Variants in PPP6R1 observed in about 807,000 individuals in gnomAD.
PPP6R1 encodes protein phosphatase 6 regulatory subunit 1.
A neutral mutation model predicts 104.6 loss-of-function variants in PPP6R1; 39 were observed. The ratio of observed to expected loss-of-function variants is 0.37; its 90% CI spans 0.29 to 0.49. The LOEUF is 0.49. Ranked by LOEUF, PPP6R1 falls within the 20% of genes least tolerant of loss-of-function variation. The probability of loss-of-function intolerance (pLI) is 0.98; values close to 1 mark genes in which losing one functional copy is unlikely to be tolerated. For missense variants in PPP6R1, 1,181 were observed against 1,155.8 expected, an observed-to-expected ratio of 1.02 and a Z score of -0.32; for synonymous variants, 549 against 479.0, an observed-to-expected ratio of 1.15 and a Z score of -1.91.
chr19:55,239,240 T>C (rs1054568494), intron 15 of PPP6R1, 165 bp downstream of exon 15: 4 of 651,804 alleles, frequency 6.1e-6, no homozygotes, highest in African/African-American at 1.8e-5. Context: ...CACACGAGGC[T>C]GCAGACACAC....
intron 17 of PPP6R1, among the ~76,000 whole-genome samples, chr19:55,236,054 C>T (rs1568944440): frequency 6.6e-6 from 1 of 151,652 alleles, no homozygotes; most frequent in Admixed American, 6.6e-5. Flanking sequence ...AGGTCTCAAA[C>T]TCCTGAGCTC....
chr19:55,232,046 A>C, intron 18 of PPP6R1, 29 bp downstream of exon 18: 1 of 1,611,654 alleles, frequency 6.2e-7, no homozygotes, highest in Non-Finnish European at 8.5e-7. Context: ...AGCCCTGTGT[A>C]CACCTGACCA....
rs934982032 is a variant in PPP6R1 at position 55,245,821 on chromosome 19, G to A, written c.228-143C>T. 5.6e-6 allele frequency: 4 copies of A among 711,992 alleles called. No individual in the cohort carries two copies. The highest frequency in any genetic ancestry group is 5.3e-5 in the African/African-American group (3 of 56,138). 44.1% of individuals were successfully genotyped at this position (711,992 alleles called of 1,614,324 possible). On this transcript the variant is annotated intron_variant, in intron 2 of 23. Transcript: ENST00000412770. The surrounding 1 kb of genome is among the most constrained non-coding windows in gnomAD (Gnocchi z 6.4). The stretch of plus-strand genomic sequence containing the variant: ...TGTCCAGGAAGGGGAAAGGGCAGAG[G>A]ACAGGGTGACGCAGAAACAAGGGCC...
rs769352694 is a variant in PPP6R1 at position 55,245,277 on chromosome 19, C to T, written c.540G>A (p.Gln180=). ...CGGCCCTGCTCACATTGACAACATC[C>T]TGCCTCAGCTGAGGCCGCTCCACAC... ...LTCVERPQLR[Q]DVVNWLNEEK... The change falls in exon 4 of 24, where the codon CAG becomes CAA. Residue 180 remains glutamine (Q), a synonymous_variant. Transcript: ENST00000412770. This position sits in a 1 kb window ranked among gnomAD's most constrained non-coding sequence, Gnocchi z 6.4. 8.8e-6 allele frequency: 14 copies of T among 1,597,656 alleles called. No homozygotes were observed. The highest frequency in any genetic ancestry group is 3.3e-4 in the Middle Eastern group (2 of 6,034).
intron 21 of PPP6R1, 146 bp from the exon 22 acceptor site, chr19:55,231,030 G>C: frequency 1.4e-6 from 1 of 704,854 alleles, no homozygotes; most frequent in South Asian, 1.7e-5. Context: ...GACGCAGCTG[G>C]CTCAGCGTGG....
Position 55,236,969 on chromosome 19 carries a change from C to A in PPP6R1, c.1753G>T (p.Ala585Ser), listed in dbSNP as rs200656242. 3 of 1,610,614 alleles carry A rather than the reference C, an allele frequency of 1.9e-6. No individual in the cohort carries two copies. The highest frequency in any genetic ancestry group is 2.2e-5 in the East Asian group (1 of 44,878). Residue 585 changes from alanine to serine, a missense_variant and splice_region_variant, in exon 16 of 24, where the codon GCA becomes TCA. Around this residue, in one of 2 missense-constraint regions of PPP6R1, gnomAD observed 1,042 missense variants for 955.6 expected, o/e 1.09. Transcript: ENST00000412770. ...ATGTTGGCTGTCTTGTCAAAAGGTG[C>A]GCTAGGAGAGAAGGCAAGGCATGGT... Reference protein sequence around the residue: ...EFGEQEESVNAPFDKTANITF... With the variant: ...EFGEQEESVNSPFDKTANITF...
chr19:55,231,740 C>T (rs2087349546), intron 19 of PPP6R1, 62 bp downstream of exon 19: 3 of 1,499,852 alleles, frequency 2.0e-6, no homozygotes, highest in Non-Finnish European at 2.7e-6. Flanking sequence ...GACGGGGACC[C>T]CATGGCCACC....
At chr19:55,236,426 G>A in intron 17 of PPP6R1, 1 of 568,758 alleles carries the variant, frequency 1.8e-6, no homozygotes, top group Non-Finnish European at 3.0e-6. Context: ...AAAGTACTGG[G>A]ATTACAGGCA....
At chr19:55,242,036 G>A (rs1286453708) in intron 7 of PPP6R1, 130 bp downstream of exon 7, 1 of 836,976 alleles carries the variant, frequency 1.2e-6, no homozygotes, top group African/African-American at 1.7e-5. Flanking sequence ...TGTGCAGGGA[G>A]CACAGGCAGC....
intron 1 of PPP6R1, among the ~76,000 whole-genome samples, chr19:55,249,500 C>CA (rs1208734372): frequency 2.0e-5 from 3 of 152,046 alleles, no homozygotes; most frequent in Non-Finnish European, 4.4e-5. Flanking sequence ...CTGGGCCTCT[C>CA]AAAGTGTTGG....
Position 55,232,081 on chromosome 19 carries a change from G to A in PPP6R1, c.2119C>T (p.Pro707Ser). The change falls in exon 18 of 24, where the codon CCT becomes TCT. Residue 707 changes from proline (P) to serine (S), a missense_variant. This residue lies in a region of PPP6R1 where 1,042 missense variants were observed against 955.6 expected (regional missense o/e 1.09). Coordinates refer to ENST00000412770, the MANE Select transcript of PPP6R1 (RefSeq NM_014931.4). ...PLSYPSPGPQ[P>S]PGPSWTATFD... ...ACACCGCCCATTCATTCACCTGGAGGCTGAGGGCCAGGGCTGGGGTAGGAC... is the reference window on the plus strand; with the variant it reads ...ACACCGCCCATTCATTCACCTGGAGACTGAGGGCCAGGGCTGGGGTAGGAC... 6.2e-7 allele frequency: 1 copy of A among 1,611,558 alleles called. No individual in the cohort carries two copies. Among genetic ancestry groups the A allele is most frequent in the East Asian group, 2.2e-5 (1 of 44,794 alleles).
At chr19:55,248,889 C>G (rs186726346) in intron 1 of PPP6R1, among the ~76,000 whole-genome samples, 1,726 of 152,332 alleles carry the variant, frequency 0.011, 39 homozygotes, top group African/African-American at 0.039. Context: ...GAAGCCAGGC[C>G]AGCCTGGGGC....
rs944831290 is a variant in PPP6R1, at chr19:55,258,995, C to T, written c.-567G>A. Reference sequence around the variant, plus strand: ...GCCTCAGGGCCTCCGACGCCCGGCTCCCTCCGCCACTATCCCACAATCCCC... The same window carrying T: ...GCCTCAGGGCCTCCGACGCCCGGCTTCCTCCGCCACTATCCCACAATCCCC... On this transcript the variant is annotated 5_prime_UTR_variant, in exon 1 of 24. Transcript: ENST00000412770. The T allele has an allele frequency of 8.5e-5, 13 of 152,072 alleles. No individual in the cohort carries two copies. The highest frequency in any genetic ancestry group is 2.0e-4 in the Admixed American group (3 of 15,266). The allele number at this position is 152,072 out of a possible 1,614,324, so 9.4% of individuals were successfully genotyped here.
intron 2 of PPP6R1, among the ~76,000 whole-genome samples, chr19:55,246,261 T>C (rs956444369): frequency 6.6e-6 from 1 of 152,044 alleles, no homozygotes; most frequent in African/African-American, 2.4e-5. Context: ...CGAAACCCTG[T>C]CTCTACCAAA....
Position 55,246,971 on chromosome 19 carries a change from G to C in PPP6R1, c.133C>G (p.Leu45Val). 1 of 1,613,910 alleles carries C rather than the reference G, an allele frequency of 6.2e-7. No homozygotes were observed. The highest frequency in any genetic ancestry group is 1.1e-5 in the South Asian group (1 of 91,092). The change falls in exon 2 of 24, where the codon CTG becomes GTG. Residue 45 changes from leucine (L) to valine (V), a missense_variant. Physicochemically the swap from Leu to Val is conservative, Grantham distance 32. Coordinates refer to ENST00000412770, the MANE Select transcript of PPP6R1 (RefSeq NM_014931.4). ...QECKVVNRKL[L>V]DFLLQPPHLQ... is the part of the protein sequence containing the mutation. The stretch of plus-strand genomic sequence containing the variant: ...TGGGGTGGCTGCAGCAGGAAGTCCA[G>C]CAGCTTGCGGTTGACGACCTTGCAC...
downstream of PPP6R1, chr19:55,228,267 G>C (rs371754447): frequency 4.3e-6 from 7 of 1,612,856 alleles, no homozygotes; most frequent in African/African-American, 6.7e-5. Flanking sequence ...GGAGGAGCTG[G>C]GTGTAGCCCC....
rs573758857 is a variant in PPP6R1, at chr19:55,230,257, T to C, written c.*271A>G. 1 of 545,852 alleles carries C rather than the reference T, an allele frequency of 1.8e-6. No homozygotes were observed. The highest frequency in any genetic ancestry group is 3.3e-6 in the Non-Finnish European group (1 of 304,640). The allele number at this position is 545,852 out of a possible 1,614,324, so 33.8% of individuals were successfully genotyped here. A position where few individuals can be genotyped will look rare whatever the true frequency, so the allele number is the denominator to read the frequency against. ...CTCTCCTCCCTCTCTCTATATAATA[T>C]ATAATATATGTTTCTCTCTCTCCAT... On this transcript the variant is annotated 3_prime_UTR_variant, in exon 24 of 24. Coordinates refer to ENST00000412770, the MANE Select transcript of PPP6R1 (RefSeq NM_014931.4).
At chr19:55,237,190 C>T (rs1479432992) in intron 15 of PPP6R1, among the ~76,000 whole-genome samples, 1 of 152,202 alleles carries the variant, frequency 6.6e-6, no homozygotes, top group Non-Finnish European at 1.5e-5. Flanking sequence ...CTTAAAACCA[C>T]TCATTGAGGT....
rs1043419869 is a variant in PPP6R1, at chr19:55,245,764, G to C, written c.228-86C>G. 2.8e-5 allele frequency: 32 copies of C among 1,149,488 alleles called. No individual in the cohort carries two copies. The highest frequency in any genetic ancestry group is 3.8e-5 in the Non-Finnish European group (31 of 810,180). 71.2% of individuals were successfully genotyped at this position (1,149,488 alleles called of 1,614,324 possible). On this transcript the variant is annotated intron_variant, in intron 2 of 23. Coordinates refer to ENST00000412770, the MANE Select transcript of PPP6R1 (RefSeq NM_014931.4). The surrounding 1 kb of genome is among the most constrained non-coding windows in gnomAD (Gnocchi z 6.4). ...AGGCTCCACCCTCTTCTCTGCACCGGGCACTGGGTTTCTGGGAACTGCAGA... is the reference window on the plus strand; with the variant it reads ...AGGCTCCACCCTCTTCTCTGCACCGCGCACTGGGTTTCTGGGAACTGCAGA...
Sources: gnomAD v4.1 joint callset for allele counts (sites outside exome capture counted in the v4.1 genomes callset) on GRCh38, gnomAD v4.1.1 for gene constraint, gnomAD v4.1.1 regional missense constraint, Gnocchi (gnomAD v3.1) non-coding constraint, MANE v1.5 for transcripts, NCBI Gene and HGNC (gene_info 2026-07-23, HGNC 2026-07-21) for gene names.